The following SENP7 variants were observed in gnomAD, a reference collection of about 807,000 sequenced individuals.
SENP7 encodes the protein sentrin-specific protease 7.
Under a neutral mutation model 141.2 loss-of-function variants are expected in SENP7, and 64 were observed. The ratio of observed to expected loss-of-function variants is 0.45; its 90% CI spans 0.37 to 0.56. The LOEUF (loss-of-function observed/expected upper bound fraction) is 0.56, where lower values mean the gene tolerates loss of function less well. SENP7 is among the 20% of genes least tolerant of loss of function. SENP7 has a pLI of 0.00. For synonymous variants in SENP7, 382 were observed against 426.4 expected, an observed-to-expected ratio of 0.90 and a Z score of 1.28; for missense variants, 1,025 against 1,212.2, an observed-to-expected ratio of 0.85 and a Z score of 2.29.
chr3:101,466,492 G>C (rs2063761590), intron 3 of SENP7, among the ~76,000 whole-genome samples: 1 of 152,208 alleles, frequency 6.6e-6, no homozygotes, highest in Admixed American at 6.5e-5. Flanking sequence ...AATAATACCA[G>C]ATCCACAAAC....
intron 14 of SENP7, among the ~76,000 whole-genome samples, chr3:101,342,917 C>T (rs1482664457): frequency 3.3e-5 from 5 of 152,144 alleles, no homozygotes; most frequent in East Asian, 1.9e-4. Flanking sequence ...CCACCTGCCT[C>T]GGCCTCCCAA....
intron 4 of SENP7, among the ~76,000 whole-genome samples, chr3:101,424,142 GC>G (rs1251683285): frequency 6.6e-6 from 1 of 152,102 alleles, no homozygotes; most frequent in Non-Finnish European, 1.5e-5. Context: ...CACTCCCAGG[GC>G]CGCAGCCTGG....
intron 22 of SENP7, among the ~76,000 whole-genome samples, chr3:101,328,237 T>C (rs2058956375): frequency 6.6e-6 from 1 of 152,182 alleles, no homozygotes; most frequent in Non-Finnish European, 1.5e-5. Context: ...TGTAAAACTA[T>C]ACTTTCTGTT....
intron 6 of SENP7, among the ~76,000 whole-genome samples, chr3:101,389,389 T>C (rs912189992): frequency 1.3e-5 from 2 of 152,112 alleles, no homozygotes; most frequent in African/African-American, 4.8e-5. Flanking sequence ...AAGAAAATTC[T>C]AAGAACAGCA....
chr3:101,495,146 C>T (rs978008077), intron 2 of SENP7, among the ~76,000 whole-genome samples: 1 of 151,900 alleles, frequency 6.6e-6, no homozygotes. Flanking sequence ...GGAAGACACA[C>T]ATGTGGCCGA....
At chr3:101,331,839 TA>T in intron 19 of SENP7, 145 bp downstream of exon 19, 1 of 767,168 alleles carries the variant, frequency 1.3e-6, no homozygotes, top group Non-Finnish European at 2.0e-6. Flanking sequence ...TGTCTATCAT[TA>T]AAAATTTCAG....
intron 3 of SENP7, among the ~76,000 whole-genome samples, chr3:101,473,565 GCCC>G (rs1195509151): frequency 6.6e-6 from 1 of 152,020 alleles, no homozygotes; most frequent in Non-Finnish European, 1.5e-5. Context: ...GCCCCCCTTG[GCCC>G]ACTTTATAAT....
intron 10 of SENP7, among the ~76,000 whole-genome samples, chr3:101,362,334 C>A (rs1192622990): frequency 6.6e-6 from 1 of 152,176 alleles, no homozygotes; most frequent in African/African-American, 2.4e-5. Context: ...GGTTAAGCGA[C>A]CTGCCTAAAA....
chr3:101,361,890 A>T (rs1427103566), intron 10 of SENP7, 29 bp from the exon 11 acceptor site: 1 of 1,572,186 alleles, frequency 6.4e-7, no homozygotes, highest in East Asian at 2.3e-5. Flanking sequence ...TAAAATGCAT[A>T]TAATTCTTAA....
intron 3 of SENP7, among the ~76,000 whole-genome samples, chr3:101,471,825 T>A (rs1344147123): frequency 6.6e-6 from 1 of 151,932 alleles, no homozygotes; most frequent in Non-Finnish European, 1.5e-5. Flanking sequence ...AACCCCCTCA[T>A]CAAAAAGTGG....
intron 2 of SENP7, among the ~76,000 whole-genome samples, chr3:101,497,525 A>G (rs2108132985): frequency 6.6e-6 from 1 of 152,322 alleles, no homozygotes; most frequent in East Asian, 1.9e-4. Context: ...TCAAAAAAAA[A>G]AAGATAGGAG....
chr3:101,467,386 G>T lies in SENP7; in HGVS notation c.187-8334C>A, dbSNP rs146320053. 3.3e-5 allele frequency among the ~76,000 whole-genome samples: 5 copies of T among 152,336 alleles called. No homozygotes were observed. The East Asian group carries it at 9.7e-4, about 29-fold the overall frequency. ...AACAGACAGACTGCCTCCTCAAGTG[G>T]GTCAATGACCCCAGTGTAGCCTAAC... On this transcript the variant is annotated intron_variant, in intron 3 of 23. Transcript: ENST00000394095.
chr3:101,494,001 T>C (rs1576520443), intron 2 of SENP7, 33 bp from the exon 3 acceptor site: 4 of 1,337,786 alleles, frequency 3.0e-6, no homozygotes, highest in South Asian at 1.2e-5. Context: ...ATTAGTTTAA[T>C]TGAACTATAT....
chr3:101,361,212 G>GT (rs1553700744), intron 11 of SENP7, among the ~76,000 whole-genome samples: 1 of 121,106 alleles, frequency 8.3e-6, no homozygotes, highest in Non-Finnish European at 1.8e-5. Flanking sequence ...GACTCTGTCC[G>GT]CCCCCCCAAA....
chr3:101,482,154 CA>C (rs1161812380), intron 3 of SENP7, among the ~76,000 whole-genome samples: 2 of 150,106 alleles, frequency 1.3e-5, no homozygotes, highest in African/African-American at 2.4e-5. Flanking sequence ...ACTAAAAATA[CA>C]AAAAAAAATT....
intron 2 of SENP7, among the ~76,000 whole-genome samples, chr3:101,500,700 G>C (rs1350512229): frequency 6.6e-6 from 1 of 152,178 alleles, no homozygotes; most frequent in Non-Finnish European, 1.5e-5. Flanking sequence ...ATTCCCAATA[G>C]TAATGTTCAG....
At chr3:101,457,703 T>C in intron 4 of SENP7, 1 of 1,101,866 alleles carries the variant, frequency 9.1e-7, no homozygotes, top group South Asian at 1.3e-5. Context: ...TGGCAAGTTT[T>C]TCCTGATTCA....
intron 4 of SENP7, among the ~76,000 whole-genome samples, chr3:101,436,427 C>A (rs2062390579): frequency 1.3e-5 from 2 of 152,178 alleles, no homozygotes; most frequent in South Asian, 4.1e-4. Context: ...CAAATAAGAT[C>A]ACATCAAGTT....
At chr3:101,456,266 G>A (rs2063349454) in intron 4 of SENP7, among the ~76,000 whole-genome samples, 1 of 152,086 alleles carries the variant, frequency 6.6e-6, no homozygotes, top group Non-Finnish European at 1.5e-5. Flanking sequence ...AATTGGCTGA[G>A]TAAACTATAA....
Sources: gnomAD v4.1 joint callset for allele counts (sites outside exome capture counted in the v4.1 genomes callset) on GRCh38, gnomAD v4.1.1 for gene constraint, MANE v1.5 for transcripts, NCBI Gene and HGNC (gene_info 2026-07-23, HGNC 2026-07-21) for gene names.